ELOA: variants seen among roughly 807,000 people sequenced by gnomAD.
ELOA encodes elongin-A.
A neutral mutation model predicts 85.2 loss-of-function variants in ELOA; 15 were observed. The ratio of observed to expected loss-of-function variants is 0.18; its 90% confidence interval spans 0.12 to 0.27. The LOEUF (loss-of-function observed/expected upper bound fraction) is 0.27, where lower values mean the gene tolerates loss of function less well. Ranked by LOEUF, ELOA falls within the 10% of genes least tolerant of loss-of-function variation. ELOA has a pLI of 1.00. For synonymous variants in ELOA, 348 were observed against 357.2 expected (o/e 0.97, Z 0.29); for missense variants, 769 against 952.7 (o/e 0.81, Z 2.54).
At chr1:23,747,245 A>G (rs1644751159) in intron 1 of ELOA, among the ~76,000 whole-genome samples, 1 of 152,200 alleles carries the variant, frequency 6.6e-6, no homozygotes, top group African/African-American at 2.4e-5. Context: ...GTATGCTAAG[A>G]AGTATATGTG....
chr1:23,761,474 TAGG>T lies in ELOA; in HGVS notation c.*1904_*1906del, dbSNP rs1406258432. The T allele has an allele frequency of 1.3e-5, 2 of 152,174 alleles. No individual in the cohort carries two copies. The highest frequency in any genetic ancestry group is 2.9e-5 in the Non-Finnish European group (2 of 68,034). The allele number at this position is 152,174 out of a possible 1,614,324, so 9.4% of individuals were successfully genotyped here. On this transcript the variant is annotated 3_prime_UTR_variant, in exon 11 of 11. Transcript: ENST00000613537. Reference sequence around the variant, plus strand: ...TTGTGTATGATTTAATGTCCCTTATTAGGAGTCTTTAGGCAGGGAGGGAAGAAA... The same window carrying T: ...TTGTGTATGATTTAATGTCCCTTATTAGTCTTTAGGCAGGGAGGGAAGAAA...
chr1:23,754,355 C>A lies in ELOA; in HGVS notation c.1694-8C>A. 6.2e-7 allele frequency: 1 copy of A among 1,614,212 alleles called. No homozygotes were observed. The highest frequency in any genetic ancestry group is 1.1e-5 in the South Asian group (1 of 91,084). On this transcript the variant is annotated splice_region_variant and splice_polypyrimidine_tract_variant and intron_variant, in intron 6 of 10. Transcript: ENST00000613537. Reference sequence around the variant, plus strand: ...TACTCAGTGTCTTCACCTTTGGTTTCTCTGCAGCAATCTTTGAAGTGGGAG... The same window carrying A: ...TACTCAGTGTCTTCACCTTTGGTTTATCTGCAGCAATCTTTGAAGTGGGAG...
At chr1:23,754,532 G>A in intron 7 of ELOA, 72 bp downstream of exon 7, 3 of 1,228,982 alleles carry the variant, frequency 2.4e-6, no homozygotes, top group Non-Finnish European at 3.6e-6. Flanking sequence ...TTGTCCCTGT[G>A]ACTCCGCTGT....
In ELOA at chr1:23,743,496, T is replaced by G. The variant is rs1056697768; in HGVS notation, c.-8T>G. 3 of 1,505,410 alleles carry G rather than the reference T, an allele frequency of 2.0e-6. No individual in the cohort carries two copies. The highest frequency in any genetic ancestry group is 2.9e-5 in the African/African-American group (2 of 69,244). The allele number at this position is 1,505,410 out of a possible 1,614,324, so 93.3% of individuals were successfully genotyped here. On this transcript the variant is annotated 5_prime_UTR_variant, in exon 1 of 11. Transcript: ENST00000613537. ...AGTTCCGGCGAGGAGGCCGCGCCAG[T>G]GACAGCGATGGCGGCGGAGTCGGCG...
intron 10 of ELOA, among the ~76,000 whole-genome samples, chr1:23,757,526 TCTCG>T (rs1557456194): frequency 6.6e-6 from 1 of 151,866 alleles, no homozygotes; most frequent in Non-Finnish European, 1.5e-5. Context: ...TGAGATGGAG[TCTCG>T]CTCTGTCACC....
rs1293667242 is a variant in ELOA, at chr1:23,751,927, C to G, written c.1322C>G (p.Ser441Cys). 4.3e-6 allele frequency: 7 copies of G among 1,613,728 alleles called. No individual in the cohort carries two copies. The South Asian group carries it at 4.4e-5, about 10-fold the overall frequency. ...LGDKGLKKND[S>C]KSTGKNLDSV... Reference sequence around the variant, plus strand: ...GATAAAGGACTTAAAAAAAATGACTCTAAAAGCACTGGTAAAAACTTGGAC... The same window carrying G: ...GATAAAGGACTTAAAAAAAATGACTGTAAAAGCACTGGTAAAAACTTGGAC... The change falls in exon 4 of 11, where the codon TCT (serine) becomes TGT (cysteine). Residue 441 changes from serine (S) to cysteine (C), a missense_variant. By Grantham distance (112) the Ser-to-Cys change is moderately radical. This residue lies in a region of ELOA where 193 missense variants were observed against 278.9 expected (regional missense o/e 0.69). Transcript: ENST00000613537.
At chr1:23,753,331 T>C (rs1319728262) in intron 5 of ELOA, among the ~76,000 whole-genome samples, 1 of 152,222 alleles carries the variant, frequency 6.6e-6, no homozygotes, top group Admixed American at 6.5e-5. Context: ...ATGGGAGTTA[T>C]AATGGTATCT....
At chr1:23,746,889 T>C (rs757749478) in intron 1 of ELOA, among the ~76,000 whole-genome samples, 1 of 152,178 alleles carries the variant, frequency 6.6e-6, no homozygotes. Context: ...GCCTTTGCCT[T>C]GTTATTGCTT....
chr1:23,746,930 G>A (rs1417147214), intron 1 of ELOA, among the ~76,000 whole-genome samples: 2 of 152,190 alleles, frequency 1.3e-5, no homozygotes, highest in Non-Finnish European at 2.9e-5. Flanking sequence ...TGAAAATAGA[G>A]GGGTTGTGAA....
Position 23,750,907 on chromosome 1 carries a change from C to T in ELOA, c.302C>T (p.Ala101Val). The change falls in exon 4 of 11, where the codon GCC (alanine) becomes GTC (valine). Residue 101 changes from alanine to valine, a missense_variant. Around this residue, in one of 4 missense-constraint regions of ELOA, gnomAD observed 440 missense variants for 474.0 expected, o/e 0.93. Transcript: ENST00000613537. Reference sequence around the variant, plus strand: ...AATTCCCGAAAGCGCCCTCGGGATGCCCTGCAGAAGGAGGAGGAGATGGAG... The same window carrying T: ...AATTCCCGAAAGCGCCCTCGGGATGTCCTGCAGAAGGAGGAGGAGATGGAG... ...KSNSRKRPRD[A>V]LQKEEEMEGD... 3 of 1,613,088 alleles carry T rather than the reference C, an allele frequency of 1.9e-6. No homozygotes were observed. Among genetic ancestry groups the T allele is most frequent in the Non-Finnish European group, 1.7e-6 (2 of 1,179,702 alleles).
chr1:23,749,856 G>A lies in ELOA; in HGVS notation c.147G>A (p.Gly49=). Residue 49 remains glycine, a synonymous_variant, in exon 3 of 11, where the codon GGG becomes GGA. Coordinates refer to ENST00000613537, the MANE Select transcript of ELOA (RefSeq NM_003198.3). ...TCAAATTTTAGGAGACTGGGGTTGG[G>A]AAAACAGTAAATAGCTTGCGAAAAC... ...TVDILAETGV[G]KTVNSLRKHE... 1 of 1,613,770 alleles carries A rather than the reference G, an allele frequency of 6.2e-7. No individual in the cohort carries two copies. The highest frequency in any genetic ancestry group is 8.5e-7 in the Non-Finnish European group (1 of 1,179,784).
intron 1 of ELOA, among the ~76,000 whole-genome samples, chr1:23,743,832 C>T (rs1380108860): frequency 6.6e-6 from 1 of 152,148 alleles, no homozygotes; most frequent in African/African-American, 2.4e-5. Context: ...GTGCGGACAC[C>T]GCGTGCCTAG....
rs1162019928 is a variant in ELOA at position 23,758,259 on chromosome 1, A to ATT, written c.2257+1164_2257+1165dup. On this transcript the variant is annotated intron_variant, in intron 10 of 10. Coordinates refer to ENST00000613537, the MANE Select transcript of ELOA (RefSeq NM_003198.3). The stretch of plus-strand genomic sequence containing the variant: ...ATTGGGTCTTCCAATTTATTTATTT[A>ATT]TTTTTTTTTTTTTTTTTTTTTTTTT... Among the ~76,000 whole-genome samples, 95 of 41,946 alleles carry ATT rather than the reference A, an allele frequency of 2.3e-3. 2 individuals are homozygous for ATT. Among genetic ancestry groups the ATT allele is most frequent in the East Asian group, 6.5e-3 (9 of 1,376 alleles). The allele number at this position is 41,946 out of a possible 152,430, so 27.5% of individuals were successfully genotyped here. A position where few individuals can be genotyped will look rare whatever the true frequency, so the allele number is the denominator to read the frequency against.
intron 10 of ELOA, among the ~76,000 whole-genome samples, chr1:23,758,270 T>TTTA (rs1638237130): frequency 1.0e-5 from 1 of 97,012 alleles, no homozygotes; most frequent in East Asian, 3.2e-4. Flanking sequence ...TTTTTTTTTT[T>TTTA]TTTTTTTTTT....
rs769753615 is a variant in ELOA at position 23,754,339 on chromosome 1, T to TCTTC, written c.1694-23_1694-20dup. ...TGGGTGGCTTGGCTGCTACTCAGTG[T>TCTTC]CTTCACCTTTGGTTTCTCTGCAGCA... On this transcript the variant is annotated intron_variant, in intron 6 of 10. Coordinates refer to ENST00000613537, the MANE Select transcript of ELOA (RefSeq NM_003198.3). 8 of 1,613,982 alleles carry TCTTC rather than the reference T, an allele frequency of 5.0e-6. No homozygotes were observed. In the East Asian group the frequency reaches 1.6e-4, roughly 31 times the overall value.
At chr1:23,755,804 A>G (rs770935111) in intron 7 of ELOA, 39 bp from the exon 8 acceptor site, 1 of 1,542,728 alleles carries the variant, frequency 6.5e-7, no homozygotes. Context: ...AATATGGAAA[A>G]GTGCTTGTAC....
chr1:23,753,490 A>G (rs1225926645), intron 5 of ELOA, among the ~76,000 whole-genome samples: 1 of 152,120 alleles, frequency 6.6e-6, no homozygotes, highest in East Asian at 1.9e-4. Context: ...AAAGAAAAAA[A>G]TGTCTAATTT....
rs751539795 is a variant in ELOA, at chr1:23,751,546, T to G, written c.941T>G (p.Leu314Trp). ...REGSSLKKKC[L>W]PPSEAASDNH... ...GGCAGCAGCCTGAAGAAGAAGTGTTTGCCTCCCTCAGAGGCCGCTTCAGAC... is the reference window on the plus strand; with the variant it reads ...GGCAGCAGCCTGAAGAAGAAGTGTTGGCCTCCCTCAGAGGCCGCTTCAGAC... Residue 314 changes from leucine to tryptophan, a missense_variant, in exon 4 of 11, where the codon TTG becomes TGG. Coordinates refer to ENST00000613537, the MANE Select transcript of ELOA (RefSeq NM_003198.3). The G allele has an allele frequency of 1.9e-6, 3 of 1,614,120 alleles. No individual in the cohort carries two copies. The highest frequency in any genetic ancestry group is 1.7e-6 in the Non-Finnish European group (2 of 1,180,026).
intron 1 of ELOA, among the ~76,000 whole-genome samples, chr1:23,744,476 C>A (rs1644738133): frequency 7.0e-6 from 1 of 143,210 alleles, no homozygotes; most frequent in African/African-American, 2.6e-5. Context: ...TTTTTTGAGG[C>A]GAGTCTTGCT....
Sources: gnomAD v4.1 joint callset for allele counts (sites outside exome capture counted in the v4.1 genomes callset) on GRCh38, gnomAD v4.1.1 for gene constraint, gnomAD v4.1.1 regional missense constraint, MANE v1.5 for transcripts, NCBI Gene and HGNC (gene_info 2026-07-23, HGNC 2026-07-21) for gene names.